Variants in FBXO10 observed in about 807,000 individuals in gnomAD.
FBXO10 encodes F-box protein 10.
A neutral mutation model predicts 80.7 loss-of-function variants in FBXO10; 39 were observed. That is an observed-to-expected ratio of 0.48 (90% CI 0.37 to 0.63). The LOEUF is 0.63. Among genes scored for constraint, FBXO10 ranks in the 30% least tolerant of loss-of-function variants. The pLI, the probability that FBXO10 is intolerant of heterozygous loss-of-function variation, is 0.00. For synonymous variants in FBXO10, 449 were observed against 489.6 expected (o/e 0.92, Z 1.09); for missense variants, 1,025 against 1,269.0 (o/e 0.81, Z 2.92).
intron 1 of FBXO10, among the ~76,000 whole-genome samples, chr9:37,556,215 C>T (rs1822330439): frequency 6.6e-6 from 1 of 152,108 alleles, no homozygotes; most frequent in Admixed American, 6.5e-5. Context: ...ACAGTATCAC[C>T]ACATTTTTGA....
chr9:37,512,462 A>AG lies in FBXO10; in HGVS notation c.*84dup. The AG allele has an allele frequency of 7.0e-7, 1 of 1,434,328 alleles. No individual in the cohort carries two copies. The highest frequency in any genetic ancestry group is 9.5e-7 in the Non-Finnish European group (1 of 1,056,994). The allele number at this position is 1,434,328 out of a possible 1,614,324, so 88.9% of individuals were successfully genotyped here. ...ACCCATTTGTTCGAGGGGGAGGGGG[A>AG]GGGGCGGAGTCTTTTCAGGCAGTAT... On this transcript the variant is annotated 3_prime_UTR_variant, in exon 11 of 11. Coordinates refer to ENST00000432825, the MANE Select transcript of FBXO10 (RefSeq NM_012166.3).
chr9:37,552,280 A>C (rs1379223566), intron 1 of FBXO10, among the ~76,000 whole-genome samples: 1 of 152,126 alleles, frequency 6.6e-6, no homozygotes, highest in Non-Finnish European at 1.5e-5. Flanking sequence ...TTGCTTCTAC[A>C]TTTTTAGGTA....
chr9:37,570,230 C>T (rs186815906), intron 1 of FBXO10, among the ~76,000 whole-genome samples: 112 of 152,162 alleles, frequency 7.4e-4, no homozygotes, highest in African/African-American at 2.6e-3. Flanking sequence ...AGGATAATCC[C>T]TTGAACCCGG....
At position 37,518,415 on chromosome 9, in the gene FBXO10, T is replaced by G; in HGVS notation, c.2224A>C (p.Ser742Arg). 1 of 1,606,418 alleles carries G rather than the reference T, an allele frequency of 6.2e-7. No homozygotes were observed. The change falls in exon 9 of 11, where the codon AGC becomes CGC. Residue 742 changes from serine (S) to arginine (R), a missense_variant. Coordinates refer to ENST00000432825, the MANE Select transcript of FBXO10 (RefSeq NM_012166.3). ...NGASGLYVQS[S>R]EALHVITNVI... The stretch of plus-strand genomic sequence containing the variant: ...TTGGTGATGACATGCAGTGCCTCGC[T>G]GCTCTGGACATAGAGTCCTGAGGCT...
intron 5 of FBXO10, 144 bp downstream of exon 5, chr9:37,528,980 C>T: frequency 9.0e-7 from 1 of 1,114,782 alleles, no homozygotes. Flanking sequence ...AACACAAAAG[C>T]CGCTGTGTTA....
intron 1 of FBXO10, among the ~76,000 whole-genome samples, chr9:37,556,013 G>A (rs1402837499): frequency 6.6e-6 from 1 of 152,168 alleles, no homozygotes; most frequent in Non-Finnish European, 1.5e-5. Flanking sequence ...GTTATGGTAT[G>A]AGGTAGTGGT....
chr9:37,554,912 G>A (rs1031065253), intron 1 of FBXO10, among the ~76,000 whole-genome samples: 1 of 152,142 alleles, frequency 6.6e-6, no homozygotes, highest in African/African-American at 2.4e-5. Flanking sequence ...TCTTATATAA[G>A]TGTTTTTGTG....
Position 37,532,724 on chromosome 9 carries a change from G to T in FBXO10, c.1420-666C>A, listed in dbSNP as rs1821661298. 2.0e-5 allele frequency among the ~76,000 whole-genome samples: 3 copies of T among 152,318 alleles called. No homozygotes were observed. In the South Asian group the frequency reaches 6.2e-4, roughly 32 times the overall value. On this transcript the variant is annotated intron_variant, in intron 3 of 10. Transcript: ENST00000432825. Reference sequence around the variant, plus strand: ...TTCAGAACCTGCAAGCAGCATAGCTGGATGATGGGATAGAAAGGACGCTTA... The same window carrying T: ...TTCAGAACCTGCAAGCAGCATAGCTTGATGATGGGATAGAAAGGACGCTTA...
intron 2 of FBXO10, among the ~76,000 whole-genome samples, chr9:37,538,266 A>G (rs762076941): frequency 2.6e-5 from 4 of 152,168 alleles, no homozygotes; most frequent in Non-Finnish European, 5.9e-5. Flanking sequence ...CAGGGCTAGG[A>G]CAGGCAGTGA....
intron 1 of FBXO10, among the ~76,000 whole-genome samples, chr9:37,556,511 G>A (rs1307231062): frequency 7.2e-6 from 1 of 139,070 alleles, no homozygotes; most frequent in East Asian, 2.2e-4. Context: ...TGATAAATCA[G>A]TTGAGGATAT....
chr9:37,537,845 G>C lies in FBXO10; in HGVS notation c.684C>G (p.Phe228Leu). The C allele has an allele frequency of 6.2e-7, 1 of 1,613,980 alleles. No homozygotes were observed. Among genetic ancestry groups the C allele is most frequent in the Non-Finnish European group, 8.5e-7 (1 of 1,179,894 alleles). The change falls in exon 3 of 11, where the codon TTC becomes TTG. Residue 228 changes from phenylalanine (F) to leucine (L), a missense_variant. By Grantham distance (22) the Phe-to-Leu change is conservative. Coordinates refer to ENST00000432825, the MANE Select transcript of FBXO10 (RefSeq NM_012166.3). ...PGTCQVKFCT[F>L]KNTHIFLHNV... The stretch of plus-strand genomic sequence containing the variant: ...TGTGCAGGAAGATATGGGTGTTTTT[G>C]AAGGTACAGAACTTCACTTGGCAAG...
At chr9:37,549,403 C>G (rs1472028726) in intron 1 of FBXO10, among the ~76,000 whole-genome samples, 1 of 152,156 alleles carries the variant, frequency 6.6e-6, no homozygotes, top group Non-Finnish European at 1.5e-5. Flanking sequence ...TTCACCACCA[C>G]CTGGATCAAA....
intron 1 of FBXO10, among the ~76,000 whole-genome samples, chr9:37,569,583 T>C (rs1822696805): frequency 2.6e-5 from 4 of 152,040 alleles, no homozygotes. Context: ...AACTGTAGAA[T>C]ACATTTTACT....
chr9:37,519,039 G>T (rs556240882), intron 8 of FBXO10, among the ~76,000 whole-genome samples: 5 of 151,990 alleles, frequency 3.3e-5, no homozygotes, highest in Non-Finnish European at 4.4e-5. Context: ...CCTCCTGAGT[G>T]GCTGGGACTA....
intron 10 of FBXO10, chr9:37,514,947 T>C (rs1025892983): frequency 1.3e-5 from 2 of 151,944 alleles, no homozygotes; most frequent in African/African-American, 4.8e-5. Flanking sequence ...CAACAGAACA[T>C]GAAGATCCAT....
chr9:37,526,821 T>TTTTC (rs1168455826), intron 5 of FBXO10, among the ~76,000 whole-genome samples: 34 of 139,794 alleles, frequency 2.4e-4, no homozygotes, highest in African/African-American at 8.6e-4. Flanking sequence ...TTTTAAAATA[T>TTTTC]TTTATTTATT....
chr9:37,572,492 C>T (rs535866170), intron 1 of FBXO10, among the ~76,000 whole-genome samples: 60 of 152,128 alleles, frequency 3.9e-4, no homozygotes, highest in African/African-American at 1.3e-3. Context: ...CTGTTGGCAA[C>T]GAAAATAAGT....
At chr9:37,528,670 A>G (rs1489414724) in intron 5 of FBXO10, among the ~76,000 whole-genome samples, 2 of 152,174 alleles carry the variant, frequency 1.3e-5, no homozygotes, top group African/African-American at 4.8e-5. Context: ...ACAGGGTCCC[A>G]GGACTGCCAC....
At chr9:37,558,128 G>A (rs1822382192) in intron 1 of FBXO10, among the ~76,000 whole-genome samples, 1 of 152,206 alleles carries the variant, frequency 6.6e-6, no homozygotes, top group South Asian at 2.1e-4. Context: ...CACTTTCTGA[G>A]ATGCTTTATC....
Sources: allele counts gnomAD v4.1 joint callset (sites outside exome capture counted in the v4.1 genomes callset), GRCh38; gene constraint gnomAD v4.1.1; transcripts MANE v1.5; gene names NCBI Gene and HGNC (gene_info 2026-07-23, HGNC 2026-07-21).